The following INPP4B variants were observed in gnomAD, a reference collection of about 807,000 sequenced individuals.
INPP4B encodes inositol polyphosphate 4-phosphatase type II.
In INPP4B, 55 loss-of-function variants were observed where a neutral mutation model predicts 122.5. The ratio of observed to expected loss-of-function variants is 0.45; its 90% confidence interval spans 0.36 to 0.56. The LOEUF (loss-of-function observed/expected upper bound fraction) is 0.56. Among genes scored for constraint, INPP4B ranks in the 20% least tolerant of loss-of-function variants. INPP4B has a pLI of 0.00. For synonymous variants in INPP4B, 403 were observed against 388.7 expected (o/e 1.04, Z -0.43); for missense variants, 1,000 against 1,097.7 (o/e 0.91, Z 1.26).
chr4:142,059,221 T>A (rs1441002058), intron 25 of INPP4B, among the ~76,000 whole-genome samples: 10 of 152,112 alleles, frequency 6.6e-5, no homozygotes, highest in African/African-American at 2.2e-4. Context: ...AAAATAAGAA[T>A]CATCAATGTC....
intron 1 of INPP4B, among the ~76,000 whole-genome samples, chr4:142,730,971 T>C (rs1766001257): frequency 6.6e-6 from 1 of 152,196 alleles, no homozygotes; most frequent in Admixed American, 6.5e-5. Context: ...TTTTTAAATT[T>C]AATTTTACTT....
chr4:142,766,969 C>T (rs974396608), intron 1 of INPP4B: 1 of 152,154 alleles, frequency 6.6e-6, no homozygotes, highest in African/African-American at 2.4e-5. Context: ...TTAACTCAAA[C>T]TCTTTATCTT....
chr4:142,184,188 GC>G lies in INPP4B; in HGVS notation c.1181+8898del, dbSNP rs149468948. Among the ~76,000 whole-genome samples, 868 of 152,234 alleles carry G rather than the reference GC, an allele frequency of 5.7e-3. 14 individuals are homozygous for G. Among genetic ancestry groups the G allele is most frequent in the African/African-American group, 0.02 (828 of 41,534 alleles). On this transcript the variant is annotated intron_variant, in intron 15 of 25. Coordinates refer to ENST00000262992, the MANE Select transcript of INPP4B (RefSeq NM_001101669.3). ...TATCAGATCATTCTTTGCCTCACAAGCTTTTGGACAGGTTGTTGGAAGAATG... is the reference window on the plus strand; with the variant it reads ...TATCAGATCATTCTTTGCCTCACAAGTTTTGGACAGGTTGTTGGAAGAATG...
intron 2 of INPP4B, among the ~76,000 whole-genome samples, chr4:142,564,449 AAAAAAGAAAGAAAG>A (rs1560806291): frequency 1.2e-5 from 1 of 85,312 alleles, no homozygotes. Context: ...CAAAAAAAAA[AAAAAAGAAAGAAAG>A]AAAGAAAGAA....
At chr4:142,825,893 TA>T (rs1561112995) in intron 1 of INPP4B, among the ~76,000 whole-genome samples, 4 of 152,260 alleles carry the variant, frequency 2.6e-5, no homozygotes, top group Middle Eastern at 3.4e-3. Flanking sequence ...ATGTAGAGTC[TA>T]AAAGTCCTAT....
intron 1 of INPP4B, among the ~76,000 whole-genome samples, chr4:142,802,076 C>T (rs1442046447): frequency 2.0e-5 from 3 of 152,134 alleles, no homozygotes; most frequent in Non-Finnish European, 4.4e-5. Flanking sequence ...CAGACGATCT[C>T]ATCCTCCTCA....
At chr4:142,528,008 C>A (rs1827152357) in intron 2 of INPP4B, among the ~76,000 whole-genome samples, 1 of 151,972 alleles carries the variant, frequency 6.6e-6, no homozygotes, top group South Asian at 2.1e-4. Flanking sequence ...TACTATCATG[C>A]ACTAAAATGC....
At chr4:142,731,440 G>A (rs1278324393) in intron 1 of INPP4B, among the ~76,000 whole-genome samples, 1 of 152,132 alleles carries the variant, frequency 6.6e-6, no homozygotes, top group Admixed American at 6.5e-5. Context: ...ACATTTTGAT[G>A]TCTGCCAATA....
At chr4:142,432,319 G>C (rs988494804) in intron 3 of INPP4B, among the ~76,000 whole-genome samples, 1 of 152,008 alleles carries the variant, frequency 6.6e-6, no homozygotes, top group East Asian at 1.9e-4. Flanking sequence ...CAAACCAACA[G>C]CCTCACTCTT....
chr4:142,329,911 A>G (rs529730247), intron 7 of INPP4B, among the ~76,000 whole-genome samples: 1 of 152,314 alleles, frequency 6.6e-6, no homozygotes, highest in East Asian at 1.9e-4. Flanking sequence ...AAAGGGCAAC[A>G]CAGCCTATGA....
chr4:142,073,861 T>C (rs767249096), intron 25 of INPP4B, among the ~76,000 whole-genome samples: 1 of 152,046 alleles, frequency 6.6e-6, no homozygotes, highest in African/African-American at 2.4e-5. Flanking sequence ...TTAGTGAAAA[T>C]GAGACCTTTC....
At chr4:142,551,440 C>A (rs1174927091) in intron 2 of INPP4B, among the ~76,000 whole-genome samples, 1 of 152,126 alleles carries the variant, frequency 6.6e-6, no homozygotes, top group Non-Finnish European at 1.5e-5. Flanking sequence ...GGTAAAGAGA[C>A]AAGGCAGGAA....
At chr4:142,632,246 G>A (rs754852965) in intron 2 of INPP4B, among the ~76,000 whole-genome samples, 1 of 151,864 alleles carries the variant, frequency 6.6e-6, no homozygotes, top group South Asian at 2.1e-4. Context: ...ATGGAATATT[G>A]TTCAGCCAAA....
At chr4:142,344,609 G>T (rs746590624) in intron 7 of INPP4B, among the ~76,000 whole-genome samples, 1 of 151,994 alleles carries the variant, frequency 6.6e-6, no homozygotes, top group Non-Finnish European at 1.5e-5. Flanking sequence ...TTGACAATAT[G>T]ATAAGGGCCC....
chr4:142,322,031 G>T (rs1002641082), intron 7 of INPP4B, among the ~76,000 whole-genome samples: 2 of 152,086 alleles, frequency 1.3e-5, no homozygotes, highest in African/African-American at 4.8e-5. Context: ...ATAAGCACTG[G>T]CAATCTCAGA....
At chr4:142,690,483 C>T (rs1404609746) in intron 2 of INPP4B, among the ~76,000 whole-genome samples, 1 of 152,158 alleles carries the variant, frequency 6.6e-6, no homozygotes, top group Admixed American at 6.6e-5. Context: ...CTCCTTGATT[C>T]TGCATCCACT....
intron 14 of INPP4B, among the ~76,000 whole-genome samples, chr4:142,205,713 C>T (rs201421675): frequency 6.6e-6 from 1 of 152,112 alleles, no homozygotes; most frequent in East Asian, 1.9e-4. Flanking sequence ...ACAATTCAAG[C>T]CCAGGGCTGT....
intron 12 of INPP4B, among the ~76,000 whole-genome samples, chr4:142,218,036 T>TTGTGTGTG (rs4054980): frequency 6.6e-4 from 99 of 149,144 alleles, no homozygotes; most frequent in East Asian, 2.0e-3. Flanking sequence ...TTCTAATAAA[T>TTGTGTGTG]TGTGTGTGTG....
At chr4:142,301,234 G>A (rs1263228923) in intron 9 of INPP4B, among the ~76,000 whole-genome samples, 2 of 152,054 alleles carry the variant, frequency 1.3e-5, no homozygotes, top group African/African-American at 4.8e-5. Flanking sequence ...ATCCATAAAA[G>A]CATAAGGAAG....
Sources: gnomAD v4.1 joint callset for allele counts (sites outside exome capture counted in the v4.1 genomes callset) on GRCh38, gnomAD v4.1.1 for gene constraint, MANE v1.5 for transcripts, NCBI Gene and HGNC (gene_info 2026-07-23, HGNC 2026-07-21) for gene names.